CYP46A1: variants seen among roughly 807,000 people sequenced by gnomAD.
CYP46A1 encodes cholesterol 24-hydroxylase.
CYP46A1 carries 20 observed loss-of-function variants against 63.3 expected under a neutral mutation model. The observed-to-expected ratio is 0.32, with a 90% confidence interval of 0.22 to 0.46. CYP46A1 has a LOEUF of 0.46. Among genes scored for constraint, CYP46A1 ranks in the 20% least tolerant of loss-of-function variants. The pLI is 1.00. For synonymous variants in CYP46A1, 268 were observed against 273.6 expected (o/e 0.98, Z 0.20); for missense variants, 445 against 670.8 (o/e 0.66, Z 3.72).
Position 99,699,964 on chromosome 14 carries a change from C to CGGGGGGGGGGGGGGGGGGGGGGGG in CYP46A1, c.357-50_357-49insGGGGGGGGGGGGGGGGGGGGGGGG. The CGGGGGGGGGGGGGGGGGGGGGGGG allele has an allele frequency of 1.0e-5, 8 of 773,852 alleles. 1 individual carries two copies. The highest frequency in any genetic ancestry group is 1.7e-5 in the Non-Finnish European group (8 of 480,100). 47.9% of individuals were successfully genotyped at this position (773,852 alleles called of 1,614,324 possible). A position where few individuals can be genotyped will look rare whatever the true frequency, so the allele number is the denominator to read the frequency against. ...TATGACCCCAAGCCCATCAAGCAGTCGCTCCCCACCCCCCACCCTCTTTCC... is the reference window on the plus strand; with the variant it reads ...TATGACCCCAAGCCCATCAAGCAGTCGGGGGGGGGGGGGGGGGGGGGGGGGCTCCCCACCCCCCACCCTCTTTCC... On this transcript the variant is annotated intron_variant, in intron 4 of 14. Transcript: ENST00000261835.
In CYP46A1 at chr14:99,726,690, G is replaced by A. The variant is rs2056904038; in HGVS notation, c.1466G>A (p.Arg489His). The A allele has an allele frequency of 1.3e-6, 2 of 1,544,752 alleles. No individual in the cohort carries two copies. Among genetic ancestry groups the A allele is most frequent in the Non-Finnish European group, 1.7e-6 (2 of 1,144,038 alleles). Reference protein sequence around the residue: ...LDPVLCTLRPRGWQPAPPPPP... With the variant: ...LDPVLCTLRPHGWQPAPPPPP... Reference sequence around the variant, plus strand: ...CCCGTGCTGTGCACCCTGCGGCCCCGCGGCTGGCAGCCCGCACCCCCACCA... The same window carrying A: ...CCCGTGCTGTGCACCCTGCGGCCCCACGGCTGGCAGCCCGCACCCCCACCA... The change falls in exon 15 of 15, where the codon CGC becomes CAC. Residue 489 changes from arginine (R) to histidine (H), a missense_variant. Around this residue, in one of 4 missense-constraint regions of CYP46A1, gnomAD observed 85 missense variants for 80.1 expected, o/e 1.06. Coordinates refer to ENST00000261835, the MANE Select transcript of CYP46A1 (RefSeq NM_006668.2).
In CYP46A1 at chr14:99,706,753, C is replaced by T. The variant is rs746753597; in HGVS notation, c.550C>T (p.Leu184=). ...GACCCCAGTGTCCATGCAGGACATG[C>T]TGACCTACACCGCCATGGACATCCT... The part of the protein sequence containing the change: ...GQTPVSMQDM[L]TYTAMDILAK... The change falls in exon 6 of 15, where the codon CTG becomes TTG. Residue 184 remains leucine (L), a synonymous_variant. Coordinates refer to ENST00000261835, the MANE Select transcript of CYP46A1 (RefSeq NM_006668.2). 5.6e-6 allele frequency: 9 copies of T among 1,613,228 alleles called. No homozygotes were observed. Among genetic ancestry groups the T allele is most frequent in the Non-Finnish European group, 7.6e-6 (9 of 1,179,972 alleles).
chr14:99,691,297 C>G, intron 2 of CYP46A1, 136 bp downstream of exon 2: 1 of 841,260 alleles, frequency 1.2e-6, no homozygotes, highest in East Asian at 2.6e-5. Flanking sequence ...AGTTCCTCCC[C>G]TGAGTGGAGG....
chr14:99,717,376 G>C (rs948174602), intron 9 of CYP46A1, among the ~76,000 whole-genome samples: 2 of 152,132 alleles, frequency 1.3e-5, no homozygotes, highest in Non-Finnish European at 2.9e-5. Context: ...AGGCCGAGGA[G>C]GGAAGTGGCC....
intron 12 of CYP46A1, chr14:99,723,021 T>G: frequency 2.5e-6 from 1 of 395,478 alleles, no homozygotes; most frequent in South Asian, 1.8e-5. Flanking sequence ...GGATGCCCAG[T>G]AGTGGTGAGA....
intron 1 of CYP46A1, among the ~76,000 whole-genome samples, chr14:99,689,156 C>T (rs1213915230): frequency 6.6e-6 from 1 of 152,170 alleles, no homozygotes; most frequent in Non-Finnish European, 1.5e-5. Flanking sequence ...TCCCTGGGCT[C>T]CAGATCTGAG....
At position 99,726,673 on chromosome 14, in the gene CYP46A1, G is replaced by A; in HGVS notation, c.1449G>A (p.Leu483=). 1 of 1,556,908 alleles carries A rather than the reference G, an allele frequency of 6.4e-7. No individual in the cohort carries two copies. Among genetic ancestry groups the A allele is most frequent in the Non-Finnish European group, 8.7e-7 (1 of 1,151,142 alleles). Reference sequence around the variant, plus strand: ...CACTCAAGCCACTGGACCCCGTGCTGTGCACCCTGCGGCCCCGCGGCTGGC... The same window carrying A: ...CACTCAAGCCACTGGACCCCGTGCTATGCACCCTGCGGCCCCGCGGCTGGC... The part of the protein sequence containing the change: ...QATLKPLDPV[L]CTLRPRGWQP... The change falls in exon 15 of 15, where the codon CTG becomes CTA. Residue 483 remains leucine (L), a synonymous_variant. Transcript: ENST00000261835.
At chr14:99,703,674 C>G (rs1390746514) in intron 5 of CYP46A1, 1 of 981,346 alleles carries the variant, frequency 1.0e-6, no homozygotes, top group Non-Finnish European at 1.2e-6. Flanking sequence ...ATCAAGGCAC[C>G]TGTCACACCC....
chr14:99,705,653 G>A (rs34891372), intron 5 of CYP46A1, among the ~76,000 whole-genome samples: 46,589 of 152,246 alleles, frequency 0.31, 8,036 homozygotes, highest in South Asian at 0.4. Flanking sequence ...AGGTCCGGGT[G>A]CAGTGGCTCA....
In CYP46A1 at chr14:99,691,880, T is replaced by A. The variant is rs1307885738; in HGVS notation, c.282+19T>A. On this transcript the variant is annotated intron_variant, in intron 3 of 14. Coordinates refer to ENST00000261835, the MANE Select transcript of CYP46A1 (RefSeq NM_006668.2). The stretch of plus-strand genomic sequence containing the variant: ...GGTTAAGGTAGGAGGAAGAGTGGTT[T>A]CCATGAGGGAGTTCCCTGCCTTTCC... 5 of 1,613,110 alleles carry A rather than the reference T, an allele frequency of 3.1e-6. No homozygotes were observed. Among genetic ancestry groups the A allele is most frequent in the Admixed American group, 1.7e-5 (1 of 60,008 alleles).
intron 5 of CYP46A1, among the ~76,000 whole-genome samples, chr14:99,701,796 G>C (rs375022378): frequency 1.3e-5 from 2 of 152,172 alleles, no homozygotes; most frequent in Non-Finnish European, 2.9e-5. Context: ...TCAGCCAGGC[G>C]TGGTGGTTCA....
intron 5 of CYP46A1, among the ~76,000 whole-genome samples, chr14:99,701,963 G>A (rs567104157): frequency 1.1e-4 from 16 of 151,838 alleles, no homozygotes; most frequent in Admixed American, 4.6e-4. Context: ...CCAGCTACGC[G>A]GGAGGCTAAG....
intron 1 of CYP46A1, among the ~76,000 whole-genome samples, chr14:99,686,142 G>A (rs1566824171): frequency 2.0e-5 from 3 of 152,100 alleles, no homozygotes; most frequent in Non-Finnish European, 4.4e-5. Flanking sequence ...GCAATTCAAG[G>A]TTGAATGGTG....
chr14:99,720,377 A>G (rs1300679035), intron 10 of CYP46A1, among the ~76,000 whole-genome samples: 2 of 150,822 alleles, frequency 1.3e-5, no homozygotes, highest in Non-Finnish European at 2.9e-5. Context: ...GTTCTTTCTG[A>G]TTTGTCCACA....
intron 3 of CYP46A1, among the ~76,000 whole-genome samples, chr14:99,699,177 A>G (rs2056609618): frequency 1.3e-5 from 2 of 152,016 alleles, no homozygotes; most frequent in Non-Finnish European, 2.9e-5. Context: ...TTGGAAGGTG[A>G]CATGGTATGG....
intron 7 of CYP46A1, chr14:99,710,414 C>T (rs2140129059): frequency 6.6e-6 from 1 of 152,220 alleles, no homozygotes; most frequent in Middle Eastern, 3.4e-3. Flanking sequence ...AATTACCCAA[C>T]TATATGCTGC....
intron 3 of CYP46A1, among the ~76,000 whole-genome samples, chr14:99,699,203 A>G (rs2056609916): frequency 6.6e-6 from 1 of 152,032 alleles, no homozygotes; most frequent in African/African-American, 2.4e-5. Context: ...CGAGTGTGAC[A>G]TTGGAGTGAG....
intron 11 of CYP46A1, 56 bp downstream of exon 11, chr14:99,721,379 C>A: frequency 1.7e-6 from 2 of 1,187,646 alleles, no homozygotes; most frequent in Non-Finnish European, 2.5e-6. Context: ...TGTCATCATG[C>A]CTGCTTCCTC....
intron 3 of CYP46A1, among the ~76,000 whole-genome samples, chr14:99,694,498 CTT>C (rs879770521): frequency 2.2e-5 from 3 of 136,516 alleles, no homozygotes; most frequent in African/African-American, 2.7e-5. Flanking sequence ...GATTTCTCCT[CTT>C]TTTTTTTTTT....
Sources: gnomAD v4.1 joint callset for allele counts (sites outside exome capture counted in the v4.1 genomes callset) on GRCh38, gnomAD v4.1.1 for gene constraint, gnomAD v4.1.1 regional missense constraint, MANE v1.5 for transcripts, NCBI Gene and HGNC (gene_info 2026-07-23, HGNC 2026-07-21) for gene names.